EML4: variants seen among roughly 807,000 people sequenced by gnomAD.
The protein encoded by EML4 is EMAP like 4.
In EML4, 72 loss-of-function variants were observed where a neutral mutation model predicts 129.0. The observed-to-expected ratio is 0.56, with a 90% CI of 0.46 to 0.68. The LOEUF is 0.68. EML4 is among the 30% of genes least tolerant of loss of function. EML4 has a pLI of 0.00. For missense variants in EML4, 1,363 were observed against 1,190.6 expected (o/e 1.14, Z -2.13); for synonymous variants, 532 against 405.0 (o/e 1.31, Z -3.77).
intron 11 of EML4, among the ~76,000 whole-genome samples, chr2:42,293,416 T>G (rs1317255877): frequency 6.6e-6 from 1 of 152,186 alleles, no homozygotes; most frequent in Non-Finnish European, 1.5e-5. Flanking sequence ...TAGATTTTAT[T>G]AGTTGAATTT....
intron 6 of EML4, among the ~76,000 whole-genome samples, chr2:42,271,839 A>G (rs1201714838): frequency 6.6e-6 from 1 of 152,158 alleles, no homozygotes; most frequent in African/African-American, 2.4e-5. Context: ...ACAGTGGCTC[A>G]TGTCTGTAAT....
intron 5 of EML4, among the ~76,000 whole-genome samples, chr2:42,264,488 T>C (rs1375494481): frequency 6.6e-6 from 1 of 152,226 alleles, no homozygotes; most frequent in Non-Finnish European, 1.5e-5. Flanking sequence ...TTTCACTGTT[T>C]AGATGCTCTT....
intron 2 of EML4, among the ~76,000 whole-genome samples, chr2:42,246,698 TTATGGATGA>T (rs747845746): frequency 1.3e-5 from 2 of 152,210 alleles, no homozygotes; most frequent in Non-Finnish European, 2.9e-5. Flanking sequence ...AATGTTCCTC[TTATGGATGA>T]TAGTTGAAGC....
intron 13 of EML4, among the ~76,000 whole-genome samples, chr2:42,297,222 T>C (rs1434282995): frequency 3.3e-5 from 5 of 152,178 alleles, no homozygotes. Context: ...CTCTTTTCTT[T>C]TTTTCTTATT....
chr2:42,322,822 CAT>C (rs1192772465), intron 19 of EML4, among the ~76,000 whole-genome samples: 1 of 152,160 alleles, frequency 6.6e-6, no homozygotes, highest in Non-Finnish European at 1.5e-5. Context: ...GGGAGGGTAA[CAT>C]AGACCCCAAC....
At chr2:42,251,798 A>T (rs11124868) in intron 2 of EML4, among the ~76,000 whole-genome samples, 44,212 of 152,146 alleles carry the variant, frequency 0.29, 7,678 homozygotes, top group East Asian at 0.57. Flanking sequence ...AGGCCTCAGA[A>T]ATTATTTCCT....
intron 1 of EML4, among the ~76,000 whole-genome samples, chr2:42,206,998 T>A (rs1672590949): frequency 6.6e-6 from 1 of 152,234 alleles, no homozygotes; most frequent in Non-Finnish European, 1.5e-5. Context: ...TATAGGGATC[T>A]ATTTAATATT....
intron 6 of EML4, among the ~76,000 whole-genome samples, chr2:42,272,272 C>T (rs1255587906): frequency 6.6e-6 from 1 of 152,092 alleles, no homozygotes; most frequent in African/African-American, 2.4e-5. Context: ...ATAGTAAATC[C>T]TGTGCCACGT....
intron 1 of EML4, among the ~76,000 whole-genome samples, chr2:42,209,114 A>G (rs1016721893): frequency 2.6e-5 from 4 of 152,218 alleles, no homozygotes; most frequent in Non-Finnish European, 4.4e-5. Context: ...AAGGAATGAG[A>G]AATTACAGTG....
At chr2:42,223,835 C>A (rs886813627) in intron 1 of EML4, among the ~76,000 whole-genome samples, 1 of 151,986 alleles carries the variant, frequency 6.6e-6, no homozygotes, top group East Asian at 1.9e-4. Context: ...TTGAAGTTGC[C>A]CTTATCACTC....
intron 1 of EML4, among the ~76,000 whole-genome samples, chr2:42,180,080 T>C (rs765370217): frequency 6.6e-6 from 1 of 152,136 alleles, no homozygotes; most frequent in South Asian, 2.1e-4. Flanking sequence ...TTTCTGTGAG[T>C]TTGGAATCAT....
chr2:42,245,594 A>G lies in EML4; in HGVS notation c.115A>G (p.Thr39Ala). Reference sequence around the variant, plus strand: ...AGTTCAGCAACAAGAAGATGAAATCACTGTGCTAAAGGCGGCTTTGGCTGA... The same window carrying G: ...AGTTCAGCAACAAGAAGATGAAATCGCTGTGCTAAAGGCGGCTTTGGCTGA... ...SRVQQQEDEI[T>A]VLKAALADVL... The change falls in exon 2 of 23, where the codon ACT (threonine) becomes GCT (alanine). Residue 39 changes from threonine (T) to alanine (A), a missense_variant. Coordinates refer to ENST00000318522, the MANE Select transcript of EML4 (RefSeq NM_019063.5). 3 of 1,613,980 alleles carry G rather than the reference A, an allele frequency of 1.9e-6. No individual in the cohort carries two copies. Among genetic ancestry groups the G allele is most frequent in the Non-Finnish European group, 1.7e-6 (2 of 1,179,890 alleles).
At chr2:42,192,885 A>G (rs1422559348) in intron 1 of EML4, among the ~76,000 whole-genome samples, 1 of 152,126 alleles carries the variant, frequency 6.6e-6, no homozygotes, top group Non-Finnish European at 1.5e-5. Flanking sequence ...TGCAGAAAGC[A>G]TTTAGGGTTT....
intron 11 of EML4, among the ~76,000 whole-genome samples, chr2:42,292,231 A>G (rs1457096929): frequency 3.3e-5 from 5 of 152,212 alleles, no homozygotes; most frequent in Non-Finnish European, 7.3e-5. Context: ...ATTTCAGAAA[A>G]CTATTTGACA....
At chr2:42,215,434 T>C (rs1246739653) in intron 1 of EML4, among the ~76,000 whole-genome samples, 3 of 152,192 alleles carry the variant, frequency 2.0e-5, no homozygotes, top group African/African-American at 7.2e-5. Context: ...TTTAATATTT[T>C]ATGTACCTAT....
At chr2:42,193,815 A>G (rs759133751) in intron 1 of EML4, among the ~76,000 whole-genome samples, 1 of 151,694 alleles carries the variant, frequency 6.6e-6, no homozygotes, top group Non-Finnish European at 1.5e-5. Context: ...ACTCCTGGGT[A>G]GCTGGGACTA....
intron 21 of EML4, among the ~76,000 whole-genome samples, chr2:42,327,953 C>G (rs1669896905): frequency 6.6e-6 from 1 of 152,060 alleles, no homozygotes; most frequent in Non-Finnish European, 1.5e-5. Flanking sequence ...GGTGGTTGTT[C>G]TAAACACAAG....
rs34837271 is a variant in EML4, at chr2:42,309,431, C to CAAAA, written c.1967+4893_1967+4896dup. Reference sequence around the variant, plus strand: ...TTTCTCAAAACCAAAACAACCACCACAAAAAAAAAAAAAAAATTTTTTTTT... The same window carrying CAAAA: ...TTTCTCAAAACCAAAACAACCACCACAAAAAAAAAAAAAAAAAAAATTTTTTTTT... On this transcript the variant is annotated intron_variant, in intron 17 of 22. Coordinates refer to ENST00000318522, the MANE Select transcript of EML4 (RefSeq NM_019063.5). 4.7e-5 allele frequency among the ~76,000 whole-genome samples: 5 copies of CAAAA among 107,392 alleles called. No homozygotes were observed. In the East Asian group the frequency reaches 1.3e-3, roughly 28 times the overall value. The allele number at this position is 107,392 out of a possible 152,430, so 70.5% of individuals were successfully genotyped here. A position where few individuals can be genotyped will look rare whatever the true frequency, so the allele number is the denominator to read the frequency against.
At chr2:42,256,444 A>G in intron 2 of EML4, 57 bp from the exon 3 acceptor site, 1 of 1,511,254 alleles carries the variant, frequency 6.6e-7, no homozygotes, top group Non-Finnish European at 8.9e-7. Flanking sequence ...TTTAAAATTT[A>G]GATCTTTAAG....
Sources: gnomAD v4.1 joint callset for allele counts (sites outside exome capture counted in the v4.1 genomes callset) on GRCh38, gnomAD v4.1.1 for gene constraint, MANE v1.5 for transcripts, NCBI Gene and HGNC (gene_info 2026-07-23, HGNC 2026-07-21) for gene names.